Variants in FAM241A observed in about 807,000 individuals in gnomAD.
The protein encoded by FAM241A is family with sequence similarity 241 member A.
Under a neutral mutation model 12.2 loss-of-function variants are expected in FAM241A, and 7 were observed. The ratio of observed to expected loss-of-function variants is 0.58; its 90% CI spans 0.33 to 1.08. The LOEUF (loss-of-function observed/expected upper bound fraction) is 1.08. FAM241A is among the 50% of genes least tolerant of loss of function. FAM241A has a pLI of 0.04. For missense variants in FAM241A, 161 were observed against 169.7 expected (o/e 0.95, Z 0.29); for synonymous variants, 74 against 68.2 (o/e 1.08, Z -0.42).
At position 112,145,459 on chromosome 4, in the gene FAM241A, G is replaced by T; in HGVS notation, c.-122G>T. On this transcript the variant is annotated 5_prime_UTR_variant, in exon 1 of 2. Transcript: ENST00000309733. ...CGCCCAGGCCGGCGGGGCGCGCTCC[G>T]GCGGCTCCTGTCAGCGGCGGGTGCG... The T allele has an allele frequency of 4.9e-6, 5 of 1,013,268 alleles. No individual in the cohort carries two copies. The highest frequency in any genetic ancestry group is 2.5e-6 in the Non-Finnish European group (2 of 803,500). 62.8% of individuals were successfully genotyped at this position (1,013,268 alleles called of 1,614,324 possible). A position where few individuals can be genotyped will look rare whatever the true frequency, so the allele number is the denominator to read the frequency against.
Position 112,193,179 on chromosome 4 carries a change from C to G in FAM241A, c.*6241C>G. 1 of 150,620 alleles carries G rather than the reference C, an allele frequency of 6.6e-6. No homozygotes were observed. 9.3% of individuals were successfully genotyped at this position (150,620 alleles called of 1,614,324 possible). A position where few individuals can be genotyped will look rare whatever the true frequency, so the allele number is the denominator to read the frequency against. On this transcript the variant is annotated 3_prime_UTR_variant, in exon 2 of 2. Coordinates refer to ENST00000309733, the MANE Select transcript of FAM241A (RefSeq NM_152400.3). ...AGTGTCTGTTCATGTCCTTTGCCCA[C>G]TTTTTGATGGGGTTGTTTGTTTTTT...
intron 1 of FAM241A, among the ~76,000 whole-genome samples, chr4:112,161,667 A>G (rs1232482273): frequency 2.6e-5 from 4 of 152,232 alleles, no homozygotes; most frequent in Admixed American, 1.3e-4. Context: ...GGCAATATTA[A>G]TAGCCTAGCA....
rs1325890515 is a variant in FAM241A at position 112,194,722 on chromosome 4, T to A, written c.*7784T>A. 2.0e-5 allele frequency: 3 copies of A among 152,184 alleles called. No homozygotes were observed. Among genetic ancestry groups the A allele is most frequent in the African/African-American group, 7.2e-5 (3 of 41,446 alleles). 9.4% of individuals were successfully genotyped at this position (152,184 alleles called of 1,614,324 possible). Reference sequence around the variant, plus strand: ...GCCCACTTGAACATGGTGGATAAGCTTTTTGATGTGCTGCTGGATTTGGTT... The same window carrying A: ...GCCCACTTGAACATGGTGGATAAGCATTTTGATGTGCTGCTGGATTTGGTT... On this transcript the variant is annotated 3_prime_UTR_variant, in exon 2 of 2. Coordinates refer to ENST00000309733, the MANE Select transcript of FAM241A (RefSeq NM_152400.3).
chr4:112,151,270 G>A (rs1295046380), intron 1 of FAM241A, among the ~76,000 whole-genome samples: 1 of 151,980 alleles, frequency 6.6e-6, no homozygotes, highest in African/African-American at 2.4e-5. Context: ...CCTCCCTCTT[G>A]CCATGTGACA....
At chr4:112,150,638 C>G (rs1398687702) in intron 1 of FAM241A, among the ~76,000 whole-genome samples, 1 of 150,804 alleles carries the variant, frequency 6.6e-6, no homozygotes, top group African/African-American at 2.5e-5. Context: ...AAAAAGAAAA[C>G]AAAATGGGGG....
intron 1 of FAM241A, among the ~76,000 whole-genome samples, chr4:112,173,350 A>G (rs1723761272): frequency 6.6e-6 from 1 of 152,230 alleles, no homozygotes; most frequent in South Asian, 2.1e-4. Context: ...TTTTTCTAAA[A>G]AATAGGTTTG....
intron 1 of FAM241A, among the ~76,000 whole-genome samples, chr4:112,150,375 T>A (rs1300621151): frequency 6.6e-6 from 1 of 152,202 alleles, no homozygotes; most frequent in African/African-American, 2.4e-5. Flanking sequence ...TTCTAAATTT[T>A]TATACTGGTA....
At chr4:112,158,530 T>C (rs1341168652) in intron 1 of FAM241A, among the ~76,000 whole-genome samples, 2 of 152,092 alleles carry the variant, frequency 1.3e-5, no homozygotes, top group African/African-American at 4.8e-5. Context: ...CCACATTTCA[T>C]TTCTCATTAA....
chr4:112,145,754 C>T (rs1471397014), intron 1 of FAM241A, 21 bp downstream of exon 1: 2 of 1,089,642 alleles, frequency 1.8e-6, no homozygotes, highest in South Asian at 4.4e-5. Flanking sequence ...GGAGGGGCGG[C>T]GGCGAAGCGG....
intron 1 of FAM241A, among the ~76,000 whole-genome samples, chr4:112,172,891 T>G (rs1435403935): frequency 6.6e-6 from 1 of 152,188 alleles, no homozygotes; most frequent in Non-Finnish European, 1.5e-5. Flanking sequence ...CTGCCAGATA[T>G]TTTGTGTTTG....
rs1453146641 is a variant in FAM241A at position 112,193,829 on chromosome 4, G to A, written c.*6891G>A. 537 of 147,382 alleles carry A rather than the reference G, an allele frequency of 3.6e-3. 6 individuals carry two copies. The highest frequency in any genetic ancestry group is 0.012 in the African/African-American group (498 of 40,238). The allele number at this position is 147,382 out of a possible 1,614,324, so 9.1% of individuals were successfully genotyped here. On this transcript the variant is annotated 3_prime_UTR_variant, in exon 2 of 2. Coordinates refer to ENST00000309733, the MANE Select transcript of FAM241A (RefSeq NM_152400.3). ...TGGCTTAGGATTGACTTGGCGATGC[G>A]GGCTCTTTTTTGGTTCCATATGAAC...
At position 112,152,977 on chromosome 4, in the gene FAM241A, C is replaced by T. The variant is rs367733366; in HGVS notation, c.153+7244C>T. On this transcript the variant is annotated intron_variant, in intron 1 of 1. Coordinates refer to ENST00000309733, the MANE Select transcript of FAM241A (RefSeq NM_152400.3). ...ATATTTGCTCCTTATTTCTCCCTCA[C>T]CTTTTCTATTTTTCTTCTTTTTCTC... Among the ~76,000 whole-genome samples, 10 of 152,312 alleles carry T rather than the reference C, an allele frequency of 6.6e-5. No individual in the cohort carries two copies. The South Asian group carries it at 1.0e-3, about 16-fold the overall frequency.
At chr4:112,180,618 T>C (rs1723914739) in intron 1 of FAM241A, among the ~76,000 whole-genome samples, 1 of 152,100 alleles carries the variant, frequency 6.6e-6, no homozygotes, top group African/African-American at 2.4e-5. Flanking sequence ...AATGATGTGG[T>C]ATAAAATTGC....
intron 1 of FAM241A, among the ~76,000 whole-genome samples, chr4:112,159,690 A>G (rs752388360): frequency 1.3e-5 from 2 of 152,374 alleles, no homozygotes; most frequent in Non-Finnish European, 2.9e-5. Flanking sequence ...GATCATTTCA[A>G]TTGATGCTGA....
intron 1 of FAM241A, among the ~76,000 whole-genome samples, 191 bp from the exon 2 acceptor site, chr4:112,186,502 C>T (rs373173810): frequency 2.0e-5 from 3 of 152,174 alleles, no homozygotes; most frequent in East Asian, 3.9e-4. Flanking sequence ...AAACATGATT[C>T]TTCACTTAAG....
chr4:112,156,634 G>A (rs1157987058), intron 1 of FAM241A, among the ~76,000 whole-genome samples: 1 of 152,172 alleles, frequency 6.6e-6, no homozygotes, highest in Non-Finnish European at 1.5e-5. Context: ...TGATGTTTTT[G>A]CTGAAGAACT....
intron 1 of FAM241A, among the ~76,000 whole-genome samples, chr4:112,176,657 T>C (rs534550476): frequency 6.6e-6 from 1 of 152,352 alleles, no homozygotes; most frequent in Non-Finnish European, 1.5e-5. Flanking sequence ...TAATTTCTCA[T>C]CATTAATTTG....
At chr4:112,164,486 A>G (rs1723552589) in intron 1 of FAM241A, among the ~76,000 whole-genome samples, 1 of 133,090 alleles carries the variant, frequency 7.5e-6, no homozygotes, top group Non-Finnish European at 1.8e-5. Context: ...ATTAGGAGAT[A>G]CACCTAATGT....
At chr4:112,157,845 G>C (rs774539788) in intron 1 of FAM241A, among the ~76,000 whole-genome samples, 14 of 152,026 alleles carry the variant, frequency 9.2e-5, no homozygotes, top group Non-Finnish European at 1.9e-4. Flanking sequence ...TGTCATCCTA[G>C]CATATTTTCT....
Sources: allele counts gnomAD v4.1 joint callset (sites outside exome capture counted in the v4.1 genomes callset), GRCh38; gene constraint gnomAD v4.1.1; transcripts MANE v1.5; gene names NCBI Gene and HGNC (gene_info 2026-07-23, HGNC 2026-07-21).